The following KIAA0825 variants were observed in gnomAD, a reference collection of about 807,000 sequenced individuals.
KIAA0825 encodes uncharacterized protein KIAA0825.
A neutral mutation model predicts 147.6 loss-of-function variants in KIAA0825; 119 were observed. That is an observed-to-expected ratio of 0.81 (90% CI 0.69 to 0.94). The LOEUF is 0.94. KIAA0825 is among the 40% of genes least tolerant of loss of function. The pLI, the probability that KIAA0825 is intolerant of heterozygous loss-of-function variation, is 0.00. For synonymous variants in KIAA0825, 470 were observed against 518.1 expected, an observed-to-expected ratio of 0.91 and a Z score of 1.26; for missense variants, 1,381 against 1,472.7, an observed-to-expected ratio of 0.94 and a Z score of 1.02.
chr5:94,342,801 TA>T (rs938595537), intron 20 of KIAA0825, among the ~76,000 whole-genome samples: 134 of 152,178 alleles, frequency 8.8e-4, no homozygotes, highest in African/African-American at 3.0e-3. Flanking sequence ...AAAATCATAT[TA>T]AAAATGTGCT....
intron 2 of KIAA0825, among the ~76,000 whole-genome samples, chr5:94,544,406 T>G (rs1773930783): frequency 6.6e-6 from 1 of 152,244 alleles, no homozygotes; most frequent in Non-Finnish European, 1.5e-5. Context: ...CCTTGATGAC[T>G]ACCCTGTAGC....
intron 20 of KIAA0825, among the ~76,000 whole-genome samples, chr5:94,332,888 T>A (rs1781427102): frequency 1.3e-5 from 2 of 152,150 alleles, no homozygotes; most frequent in Admixed American, 6.5e-5. Context: ...CTCTCCAGCA[T>A]TTGTTGTTTC....
chr5:94,289,558 A>C (rs1015448171), intron 20 of KIAA0825, among the ~76,000 whole-genome samples: 1 of 150,998 alleles, frequency 6.6e-6, no homozygotes, highest in Admixed American at 6.6e-5. Flanking sequence ...AAAAAAGAGT[A>C]AACCTAATGT....
chr5:94,212,212 G>C (rs943632238), intron 20 of KIAA0825, among the ~76,000 whole-genome samples: 3 of 152,148 alleles, frequency 2.0e-5, no homozygotes, highest in African/African-American at 7.2e-5. Context: ...AAGTAATCTT[G>C]TGTTTCTCAA....
intron 1 of KIAA0825, among the ~76,000 whole-genome samples, chr5:94,588,392 C>T (rs1251873693): frequency 6.6e-6 from 1 of 152,186 alleles, no homozygotes; most frequent in Non-Finnish European, 1.5e-5. Flanking sequence ...TGAACAGACA[C>T]TTTTCAAAAG....
intron 20 of KIAA0825, among the ~76,000 whole-genome samples, chr5:94,305,999 T>C (rs1456869077): frequency 6.6e-6 from 1 of 151,926 alleles, no homozygotes; most frequent in Admixed American, 6.6e-5. Context: ...TGTACATTAT[T>C]ATCTCTCCAT....
At chr5:94,172,992 C>G (rs1768775231) in intron 20 of KIAA0825, among the ~76,000 whole-genome samples, 1 of 152,082 alleles carries the variant, frequency 6.6e-6, no homozygotes, top group African/African-American at 2.4e-5. Context: ...TTTACTGTCC[C>G]TCATAATACC....
At chr5:94,444,674 A>C (rs1028732114) in intron 13 of KIAA0825, among the ~76,000 whole-genome samples, 11 of 152,058 alleles carry the variant, frequency 7.2e-5, no homozygotes, top group African/African-American at 2.2e-4. Context: ...AGATTCAGAA[A>C]TATCTGCAGC....
chr5:94,286,827 C>T (rs1472219758), intron 20 of KIAA0825, among the ~76,000 whole-genome samples: 2 of 152,146 alleles, frequency 1.3e-5, no homozygotes, highest in African/African-American at 2.4e-5. Flanking sequence ...CTATGGGGGA[C>T]TGTGTCCTGG....
At chr5:94,468,847 T>C (rs1225367451) in intron 10 of KIAA0825, among the ~76,000 whole-genome samples, 6 of 152,182 alleles carry the variant, frequency 3.9e-5, no homozygotes, top group African/African-American at 4.8e-5. Flanking sequence ...ATGAAAATCA[T>C]AAACTTCAAT....
intron 20 of KIAA0825, among the ~76,000 whole-genome samples, chr5:94,369,688 C>G (rs1294092147): frequency 2.0e-5 from 3 of 152,154 alleles, no homozygotes; most frequent in Admixed American, 1.3e-4. Flanking sequence ...ATCCTTTTAT[C>G]TGAAGAAAAT....
chr5:94,595,101 G>A (rs910030361), intron 1 of KIAA0825, among the ~76,000 whole-genome samples: 1 of 152,044 alleles, frequency 6.6e-6, no homozygotes, highest in Non-Finnish European at 1.5e-5. Context: ...ACCATTCTGG[G>A]GTCTGAAGGA....
At chr5:94,562,282 T>A (rs1777692883) in intron 2 of KIAA0825, among the ~76,000 whole-genome samples, 1 of 152,214 alleles carries the variant, frequency 6.6e-6, no homozygotes, top group Non-Finnish European at 1.5e-5. Flanking sequence ...TGAAATAACT[T>A]GAAAATCTAT....
intron 2 of KIAA0825, among the ~76,000 whole-genome samples, chr5:94,561,121 G>A (rs373775679): frequency 1.2e-4 from 18 of 152,292 alleles, no homozygotes; most frequent in African/African-American, 4.1e-4. Context: ...AGGGACTTGG[G>A]ATTGAGACCA....
At chr5:94,435,713 G>A (rs1291898065) in intron 14 of KIAA0825, among the ~76,000 whole-genome samples, 2 of 152,094 alleles carry the variant, frequency 1.3e-5, no homozygotes, top group African/African-American at 2.4e-5. Context: ...CTTCCACAAT[G>A]GTTGAACTAA....
At chr5:94,208,242 T>G (rs1338171215) in intron 20 of KIAA0825, among the ~76,000 whole-genome samples, 1 of 152,070 alleles carries the variant, frequency 6.6e-6, no homozygotes, top group Non-Finnish European at 1.5e-5. Context: ...ATAAATAAAA[T>G]AACAGACCTC....
At position 94,600,138 on chromosome 5, in the gene KIAA0825, G is replaced by A. The variant is rs550672833; in HGVS notation, c.-152-17555C>T. Among the ~76,000 whole-genome samples, 15 of 152,254 alleles carry A rather than the reference G, an allele frequency of 9.9e-5. No homozygotes were observed. The South Asian group carries it at 3.1e-3, about 32-fold the overall frequency. On this transcript the variant is annotated intron_variant, in intron 1 of 20. Transcript: ENST00000682413. Reference sequence around the variant, plus strand: ...AGATATCAGCTGGGTTTTTAAAATAGGAATTGCATTAAATCTGTAGATTAA... The same window carrying A: ...AGATATCAGCTGGGTTTTTAAAATAAGAATTGCATTAAATCTGTAGATTAA...
intron 17 of KIAA0825, among the ~76,000 whole-genome samples, chr5:94,393,861 T>C (rs558877965): frequency 0.031 from 4,669 of 151,938 alleles, 214 homozygotes; most frequent in African/African-American, 0.11. Flanking sequence ...TTTTTTTTTT[T>C]TTTTGAGACA....
chr5:94,159,913 T>TTAG (rs1446131610), intron 20 of KIAA0825, among the ~76,000 whole-genome samples: 1 of 152,196 alleles, frequency 6.6e-6, no homozygotes, highest in East Asian at 1.9e-4. Flanking sequence ...CAATTATTTA[T>TTAG]TAGTTAATTG....
Sources: allele counts gnomAD v4.1 joint callset (sites outside exome capture counted in the v4.1 genomes callset), GRCh38; gene constraint gnomAD v4.1.1; transcripts MANE v1.5; gene names NCBI Gene and HGNC (gene_info 2026-07-23, HGNC 2026-07-21).